Variants in CDH13 observed in about 807,000 individuals in gnomAD.
CDH13 encodes the protein cadherin-13.
In CDH13, 24 loss-of-function variants were observed where a neutral mutation model predicts 63.8. The ratio of observed to expected loss-of-function variants is 0.38; its 90% confidence interval spans 0.27 to 0.53. CDH13 has a LOEUF of 0.53. Among genes scored for constraint, CDH13 ranks in the 20% least tolerant of loss-of-function variants. The pLI is 0.85. For missense variants in CDH13, 1,049 were observed against 903.1 expected (o/e 1.16, Z -2.07); for synonymous variants, 503 against 355.3 (o/e 1.42, Z -4.67).
At chr16:83,756,698 G>A (rs1913537149) in intron 11 of CDH13, among the ~76,000 whole-genome samples, 1 of 152,200 alleles carries the variant, frequency 6.6e-6, no homozygotes, top group African/African-American at 2.4e-5. Context: ...AAGAGGTAAA[G>A]AGGCCATTTC....
At chr16:83,593,092 G>A (rs147153410) in intron 7 of CDH13, among the ~76,000 whole-genome samples, 7 of 152,266 alleles carry the variant, frequency 4.6e-5, no homozygotes, top group Non-Finnish European at 7.4e-5. Context: ...CCAATCTTTT[G>A]CAATATTTAT....
At chr16:83,689,792 A>G (rs1598483986) in intron 10 of CDH13, among the ~76,000 whole-genome samples, 1 of 152,232 alleles carries the variant, frequency 6.6e-6, no homozygotes, top group Non-Finnish European at 1.5e-5. Flanking sequence ...GATTAGGGCT[A>G]TGACCGGAAA....
At chr16:83,409,916 A>G (rs2092102108) in intron 6 of CDH13, among the ~76,000 whole-genome samples, 1 of 152,242 alleles carries the variant, frequency 6.6e-6, no homozygotes, top group Non-Finnish European at 1.5e-5. Context: ...TTTACATGGA[A>G]TTTCTGAATT....
chr16:82,713,210 T>C (rs2032091002), intron 1 of CDH13, among the ~76,000 whole-genome samples: 1 of 152,106 alleles, frequency 6.6e-6, no homozygotes, highest in Non-Finnish European at 1.5e-5. Context: ...AAACCTGCAG[T>C]TTCTCCAGCC....
At chr16:82,723,177 G>A (rs2032885384) in intron 1 of CDH13, 1 of 152,196 alleles carries the variant, frequency 6.6e-6, no homozygotes, top group South Asian at 2.1e-4. Context: ...GGAGCAGTTG[G>A]GTGGCTTGAG....
intron 4 of CDH13, among the ~76,000 whole-genome samples, chr16:83,168,498 CAG>C (rs1221104351): frequency 5.9e-5 from 9 of 152,004 alleles, no homozygotes; most frequent in Non-Finnish European, 1.0e-4. Flanking sequence ...TACAGAATGA[CAG>C]AGTCAACTTT....
chr16:82,963,186 C>T (rs1454471946), intron 2 of CDH13, among the ~76,000 whole-genome samples: 2 of 148,386 alleles, frequency 1.3e-5, no homozygotes, highest in African/African-American at 5.0e-5. Context: ...GCCTGGCCAA[C>T]ATGGTGAAAC....
chr16:82,851,109 A>G (rs1253223078), intron 1 of CDH13, among the ~76,000 whole-genome samples: 1 of 152,134 alleles, frequency 6.6e-6, no homozygotes, highest in Non-Finnish European at 1.5e-5. Flanking sequence ...TTTTAGAAAT[A>G]AAGTCTAGGA....
intron 8 of CDH13, among the ~76,000 whole-genome samples, chr16:83,655,956 G>T (rs1311337257): frequency 2.0e-5 from 3 of 152,130 alleles, no homozygotes; most frequent in Non-Finnish European, 4.4e-5. Context: ...AAGGTTGGTA[G>T]GGGTGGGACA....
chr16:83,544,547 G>A (rs1392700141), intron 7 of CDH13, among the ~76,000 whole-genome samples: 1 of 152,054 alleles, frequency 6.6e-6, no homozygotes, highest in East Asian at 1.9e-4. Flanking sequence ...TTAACACTTC[G>A]TTATAAAATA....
intron 7 of CDH13, among the ~76,000 whole-genome samples, chr16:83,510,884 A>G (rs1161704135): frequency 3.9e-5 from 6 of 152,262 alleles, no homozygotes. Flanking sequence ...AGGTCAGTGC[A>G]TTTCAGGATT....
intron 2 of CDH13, among the ~76,000 whole-genome samples, chr16:82,881,445 C>T (rs1202415171): frequency 6.6e-6 from 1 of 152,132 alleles, no homozygotes; most frequent in African/African-American, 2.4e-5. Context: ...TCACAATGGT[C>T]CTGAGTTGGG....
chr16:83,014,108 TC>T (rs34257830), intron 2 of CDH13, among the ~76,000 whole-genome samples: 32,176 of 151,916 alleles, frequency 0.21, 4,241 homozygotes, highest in Non-Finnish European at 0.28. Context: ...CAAGTTGAAC[TC>T]CTGAATATTC....
chr16:83,290,644 T>C (rs2089443592), intron 5 of CDH13, among the ~76,000 whole-genome samples: 1 of 152,254 alleles, frequency 6.6e-6, no homozygotes, highest in South Asian at 2.1e-4. Context: ...AGTAATATAT[T>C]CCCTCTTATC....
intron 1 of CDH13, among the ~76,000 whole-genome samples, chr16:82,721,207 A>T (rs1938997610): frequency 6.6e-6 from 1 of 152,162 alleles, no homozygotes; most frequent in Non-Finnish European, 1.5e-5. Context: ...AAAGCATAAG[A>T]CATTGCCCCC....
At chr16:83,078,428 C>G (rs532444047) in intron 3 of CDH13, among the ~76,000 whole-genome samples, 13 of 152,300 alleles carry the variant, frequency 8.5e-5, no homozygotes, top group Non-Finnish European at 1.9e-4. Context: ...CGACCTAGAT[C>G]CCTCGCATGT....
chr16:83,353,149 C>G (rs2090989896), intron 6 of CDH13, among the ~76,000 whole-genome samples: 1 of 152,234 alleles, frequency 6.6e-6, no homozygotes, highest in Admixed American at 6.5e-5. Flanking sequence ...GATAGTTACA[C>G]TAAAAGCCAA....
At chr16:82,845,243 C>T (rs1223903780) in intron 1 of CDH13, among the ~76,000 whole-genome samples, 4 of 152,196 alleles carry the variant, frequency 2.6e-5, no homozygotes, top group African/African-American at 9.7e-5. Flanking sequence ...ACGTGTCTGT[C>T]TGCAAGAAGG....
intron 1 of CDH13, among the ~76,000 whole-genome samples, chr16:82,632,928 G>C (rs377059196): frequency 1.3e-5 from 2 of 152,064 alleles, no homozygotes; most frequent in African/African-American, 4.8e-5. Context: ...AGGAGAAGGC[G>C]ACCTAGATCC....
Sources: gnomAD v4.1 joint callset for allele counts (sites outside exome capture counted in the v4.1 genomes callset) on GRCh38, gnomAD v4.1.1 for gene constraint, MANE v1.5 for transcripts, NCBI Gene and HGNC (gene_info 2026-07-23, HGNC 2026-07-21) for gene names.